The following TTC34 variants were observed in gnomAD, a reference collection of about 807,000 sequenced individuals.
TTC34 encodes tetratricopeptide repeat domain 34.
A neutral mutation model predicts 40.7 loss-of-function variants in TTC34; 44 were observed. The ratio of observed to expected loss-of-function variants is 1.08; its 90% CI spans 0.85 to 1.39. The LOEUF (loss-of-function observed/expected upper bound fraction) is 1.39, where lower values mean the gene tolerates loss of function less well. TTC34 is among the 40% of genes most tolerant of loss of function. The probability of loss-of-function intolerance (pLI) is 0.00; values close to 1 mark genes in which losing one functional copy is unlikely to be tolerated. For missense variants in TTC34, 884 were observed against 838.0 expected (o/e 1.05, Z -0.68); for synonymous variants, 422 against 398.6 (o/e 1.06, Z -0.70).
chr1:2,687,708 C>A (rs1640428886), intron 6 of TTC34, among the ~76,000 whole-genome samples: 1 of 150,946 alleles, frequency 6.6e-6, no homozygotes, highest in African/African-American at 2.5e-5. Context: ...CATCTGACAG[C>A]CGGGAACAGC....
chr1:2,646,142 C>T (rs1325291956), intron 6 of TTC34, among the ~76,000 whole-genome samples: 1 of 152,126 alleles, frequency 6.6e-6, no homozygotes, highest in African/African-American at 2.4e-5. Context: ...CTAACTATGC[C>T]TCTTTATATT....
intron 6 of TTC34, among the ~76,000 whole-genome samples, chr1:2,771,498 C>A (rs1340731759): frequency 3.7e-5 from 3 of 81,098 alleles, no homozygotes; most frequent in Non-Finnish European, 6.7e-5. Context: ...AGGCGAGCAT[C>A]TGACAGCCTG....
exon 9 of TTC34, chr1:2,641,649 G>A: frequency 1.3e-6 from 2 of 1,535,356 alleles, no homozygotes; most frequent in Non-Finnish European, 1.7e-6. Flanking sequence ...AGGCTCAGCA[G>A]CAGGCGACCC....
At chr1:2,651,056 C>T (rs374467237) in intron 6 of TTC34, among the ~76,000 whole-genome samples, 12 of 147,112 alleles carry the variant, frequency 8.2e-5, no homozygotes, top group African/African-American at 1.8e-4. Context: ...CAGCCTAGAA[C>T]GGTATGTCAC....
intron 6 of TTC34, among the ~76,000 whole-genome samples, chr1:2,684,715 ACC>A (rs1640241972): frequency 9.2e-6 from 1 of 108,744 alleles, no homozygotes. Context: ...CGGCAACCAC[ACC>A]CCCAGGCGAG....
At chr1:2,752,995 G>A (rs1459694878) in intron 6 of TTC34, among the ~76,000 whole-genome samples, 26 of 136,820 alleles carry the variant, frequency 1.9e-4, no homozygotes, top group African/African-American at 5.3e-4. Flanking sequence ...GCATCTGACC[G>A]CATGGAATGG....
At chr1:2,682,826 A>AC (rs1640137971) in intron 6 of TTC34, among the ~76,000 whole-genome samples, 4 of 143,760 alleles carry the variant, frequency 2.8e-5, no homozygotes, top group African/African-American at 5.1e-5. Context: ...AACAGCACAC[A>AC]CACCCCCAGG....
At chr1:2,683,861 G>T (rs1394313236) in intron 6 of TTC34, among the ~76,000 whole-genome samples, 1 of 149,090 alleles carries the variant, frequency 6.7e-6, no homozygotes, top group Non-Finnish European at 1.5e-5. Context: ...ACAGCCTGGA[G>T]CAGAACCCAC....
intron 6 of TTC34, among the ~76,000 whole-genome samples, chr1:2,691,589 G>C (rs1301372622): frequency 7.7e-6 from 1 of 129,296 alleles, no homozygotes; most frequent in African/African-American, 2.7e-5. Context: ...ACATGCCCAG[G>C]TGAGACCCTG....
At chr1:2,691,951 G>A in intron 6 of TTC34, among the ~76,000 whole-genome samples, 1 of 82,008 alleles carries the variant, frequency 1.2e-5, no homozygotes, top group Non-Finnish European at 2.7e-5. Context: ...ACAACCCCAG[G>A]TGAGCATCTG....
intron 8 of TTC34, 108 bp from the exon 9 acceptor site, chr1:2,642,003 T>A: frequency 8.0e-7 from 1 of 1,247,044 alleles, no homozygotes; most frequent in Non-Finnish European, 1.1e-6. Context: ...GCTGGCTCCC[T>A]GGGGATGGCG....
intron 6 of TTC34, among the ~76,000 whole-genome samples, chr1:2,777,706 A>C: frequency 1.3e-5 from 2 of 149,378 alleles, no homozygotes; most frequent in African/African-American, 2.5e-5. Context: ...GGGGCGCAGC[A>C]TCAGCCCATA....
chr1:2,699,990 A>T (rs1023923826), intron 6 of TTC34, among the ~76,000 whole-genome samples: 1 of 107,946 alleles, frequency 9.3e-6, no homozygotes. Flanking sequence ...TGAGCATCTG[A>T]CAGCCTGGAG....
At chr1:2,682,017 C>T (rs1220566880) in intron 6 of TTC34, among the ~76,000 whole-genome samples, 1 of 115,576 alleles carries the variant, frequency 8.7e-6, no homozygotes, top group Non-Finnish European at 1.8e-5. Flanking sequence ...CCTGGAACAA[C>T]ACCCATACCC....
intron 2 of TTC34, among the ~76,000 whole-genome samples, chr1:2,798,696 C>T (rs1453683719): frequency 2.0e-5 from 2 of 100,700 alleles, no homozygotes; most frequent in South Asian, 4.1e-4. Flanking sequence ...CTCCCCAGCC[C>T]CCCAGCGTCC....
chr1:2,790,073 G>C (rs1643645647), exon 3 of TTC34: 1 of 397,834 alleles, frequency 2.5e-6, no homozygotes, highest in Non-Finnish European at 4.4e-6. Flanking sequence ...GCGGGTTACC[G>C]GGGCCAGCAG....
At chr1:2,776,084 C>G (rs1317101277) in intron 6 of TTC34, 1 of 140,680 alleles carries the variant, frequency 7.1e-6, no homozygotes, top group Admixed American at 6.9e-5. Flanking sequence ...AACCCCACAA[C>G]TTCAAATAAG....
intron 6 of TTC34, among the ~76,000 whole-genome samples, chr1:2,768,650 G>A (rs1182738161): frequency 6.6e-6 from 1 of 151,736 alleles, no homozygotes; most frequent in Admixed American, 6.6e-5. Context: ...GCCTGGAACA[G>A]CAGCTCACAT....
chr1:2,683,191 C>T (rs1424398140), intron 6 of TTC34, among the ~76,000 whole-genome samples: 1 of 144,142 alleles, frequency 6.9e-6, no homozygotes, highest in Non-Finnish European at 1.5e-5. Flanking sequence ...GAACCCACGG[C>T]CACAGGCGAG....
Sources: gnomAD v4.1 joint callset for allele counts (sites outside exome capture counted in the v4.1 genomes callset) on GRCh38, gnomAD v4.1.1 for gene constraint, MANE v1.5 for transcripts, NCBI Gene and HGNC (gene_info 2026-07-23, HGNC 2026-07-21) for gene names.